The following ZNF449 variants were observed in gnomAD, a reference collection of about 807,000 sequenced individuals.
The protein encoded by ZNF449 is zinc finger and SCAN domain-containing protein 19.
ZNF449 carries 4 observed loss-of-function variants against 32.6 expected under a neutral mutation model. That is an observed-to-expected ratio of 0.12 (90% CI 0.06 to 0.28). The LOEUF (loss-of-function observed/expected upper bound fraction) is 0.28. Among genes scored for constraint, ZNF449 ranks in the 10% least tolerant of loss-of-function variants. The pLI is 1.00. For synonymous variants in ZNF449, 123 were observed against 132.2 expected, an observed-to-expected ratio of 0.93 and a Z score of 0.48; for missense variants, 275 against 383.2, an observed-to-expected ratio of 0.72 and a Z score of 2.36.
At chrX:135,360,031 A>C in intron 4 of ZNF449, 26 bp downstream of exon 4, 1 of 1,102,284 alleles carries the variant, frequency 9.1e-7, no homozygotes, top group Non-Finnish European at 1.2e-6. Flanking sequence ...TTGATATACT[A>C]GTGGGAAAAA....
chrX:135,348,586 G>T (rs1161886686), intron 2 of ZNF449: 1 of 272,620 alleles, frequency 3.7e-6, no homozygotes, highest in Non-Finnish European at 6.1e-6. Context: ...GGATACTCCA[G>T]TCTTGTCTAT....
intron 1 of ZNF449, among the ~76,000 whole-genome samples, chrX:135,346,500 C>T (rs1556448308): frequency 8.9e-6 from 1 of 111,801 alleles, no homozygotes; most frequent in Non-Finnish European, 1.9e-5. Flanking sequence ...CTTTTGAGAT[C>T]TACATATATT....
At position 135,360,596 on chromosome X, in the gene ZNF449, A is replaced by T. The variant is rs2148506990; in HGVS notation, c.1077A>T (p.Arg359Ser). The T allele has an allele frequency of 8.3e-7, 1 of 1,211,871 alleles. No individual in the cohort carries two copies. The highest frequency in any genetic ancestry group is 1.1e-6 in the Non-Finnish European group (1 of 895,474). The change falls in exon 5 of 5, where the codon AGA becomes AGT. Residue 359 changes from arginine to serine, a missense_variant. This residue lies in a region of ZNF449 where 80 missense variants were observed against 146.6 expected (regional missense o/e 0.55). Transcript: ENST00000339249. ...ACAAATGCCCTGAATGTGGGAAAAG[A>T]TTCCTTCGTAGTTCAGACCTTTATA... ...EPHKCPECGKRFLRSSDLYRH... is the reference protein window; with the variant it reads ...EPHKCPECGKSFLRSSDLYRH...
intron 1 of ZNF449, among the ~76,000 whole-genome samples, chrX:135,345,511 A>G (rs1408659157): frequency 2.7e-5 from 3 of 112,224 alleles, no homozygotes; most frequent in African/African-American, 9.7e-5. Context: ...ATGACTCCTG[A>G]CAAGCAATAA....
intron 2 of ZNF449, chrX:135,348,281 A>G (rs1378997597): frequency 1.6e-5 from 2 of 125,369 alleles, no homozygotes; most frequent in Non-Finnish European, 3.7e-5. Context: ...AAAACAAACA[A>G]TTGTACTTAT....
Position 135,349,157 on chromosome X carries a change from G to A in ZNF449, c.402G>A (p.Thr134=), listed in dbSNP as rs2084868815. Residue 134 remains threonine (T), a synonymous_variant, in exon 3 of 5, where the codon ACG becomes ACA. Transcript: ENST00000339249. ...TGGAAGAACTGGCACCAGTGGGAAC[G>A]GCACACATACCACCAACCATGCACC... is the stretch of plus-strand genomic sequence containing the variant. ...MLLEELAPVG[T]AHIPPTMHLE... 9 of 1,211,496 alleles carry A rather than the reference G, an allele frequency of 7.4e-6. No homozygotes were observed. Among genetic ancestry groups the A allele is most frequent in the Middle Eastern group, 2.3e-4 (1 of 4,352 alleles).
In ZNF449 at chrX:135,359,837, T is replaced by C; in HGVS notation, c.560-55T>C. ...CTGTCCAAGAAATCAGCCTAAATTT[T>C]GGAAAAACCTTTGATGAGCCAAACT... On this transcript the variant is annotated intron_variant, in intron 3 of 4. Coordinates refer to ENST00000339249, the MANE Select transcript of ZNF449 (RefSeq NM_152695.6). 4 of 821,240 alleles carry C rather than the reference T, an allele frequency of 4.9e-6. No individual in the cohort carries two copies. The South Asian group carries it at 8.8e-5, about 18-fold the overall frequency. 67.7% of individuals were successfully genotyped at this position (821,240 alleles called of 1,213,427 possible).
chrX:135,347,735 C>T (rs2084857474), intron 2 of ZNF449: 1 of 967,771 alleles, frequency 1.0e-6, no homozygotes, highest in East Asian at 3.4e-5. Context: ...AATCTACCCA[C>T]ATACATCAAC....
chrX:135,352,465 T>C (rs2084893177), intron 3 of ZNF449, among the ~76,000 whole-genome samples: 1 of 112,012 alleles, frequency 8.9e-6, no homozygotes, highest in Non-Finnish European at 1.9e-5. Context: ...ACGCTAGTCT[T>C]AAAAACATAA....
In ZNF449 at chrX:135,360,179, A is replaced by G; in HGVS notation, c.674-14A>G. ...GAACACAATATCATCTGCAGTTTCT[A>G]TTTCTTCTCTCAGGTTTTGAGATCG... On this transcript the variant is annotated splice_polypyrimidine_tract_variant and intron_variant, in intron 4 of 4. Transcript: ENST00000339249. 1 of 1,165,864 alleles carries G rather than the reference A, an allele frequency of 8.6e-7. No homozygotes were observed. Among genetic ancestry groups the G allele is most frequent in the Non-Finnish European group, 1.1e-6 (1 of 877,748 alleles).
intron 3 of ZNF449, among the ~76,000 whole-genome samples, chrX:135,350,489 A>G (rs1328116662): frequency 1.8e-5 from 2 of 112,160 alleles, no homozygotes; most frequent in Non-Finnish European, 3.8e-5. Context: ...GTTATAAAAT[A>G]TAAATGTCTG....
At chrX:135,360,137 A>C (rs1244661861) in intron 4 of ZNF449, 56 bp from the exon 5 acceptor site, 1 of 1,128,695 alleles carries the variant, frequency 8.9e-7, no homozygotes, top group Non-Finnish European at 1.2e-6. Flanking sequence ...ATTTTCCTTC[A>C]CTTTCTTTTC....
At chrX:135,357,020 T>C (rs1364231858) in intron 3 of ZNF449, among the ~76,000 whole-genome samples, 1 of 111,724 alleles carries the variant, frequency 9.0e-6, no homozygotes, top group Non-Finnish European at 1.9e-5. Context: ...GTCAACTGTG[T>C]ATTCTAGATA....
intron 3 of ZNF449, among the ~76,000 whole-genome samples, chrX:135,352,173 A>AT (rs2084891451): frequency 8.9e-6 from 1 of 112,299 alleles, no homozygotes; most frequent in Non-Finnish European, 1.9e-5. Flanking sequence ...AAGTCAATTG[A>AT]TTTTATATTA....
chrX:135,348,621 G>A (rs2084865237), intron 2 of ZNF449: 1 of 510,495 alleles, frequency 2.0e-6, no homozygotes, highest in Admixed American at 5.7e-5. Context: ...GGAGCTGTTA[G>A]CTTCAGGGCT....
At chrX:135,355,357 A>G (rs1569497718) in intron 3 of ZNF449, among the ~76,000 whole-genome samples, 1 of 110,393 alleles carries the variant, frequency 9.1e-6, no homozygotes, top group Non-Finnish European at 1.9e-5. Flanking sequence ...TTCTACTCTT[A>G]GTTATTTTTT....
At chrX:135,355,644 C>A (rs1364816951) in intron 3 of ZNF449, among the ~76,000 whole-genome samples, 1 of 111,645 alleles carries the variant, frequency 9.0e-6, no homozygotes, top group Admixed American at 9.5e-5. Context: ...TTGTTAATAT[C>A]ATTTAATGAT....
intron 3 of ZNF449, among the ~76,000 whole-genome samples, 190 bp downstream of exon 3, chrX:135,349,504 C>T (rs1417824977): frequency 2.7e-5 from 3 of 111,618 alleles, no homozygotes; most frequent in Admixed American, 9.5e-5. Context: ...ATTAGGAACC[C>T]TTTAAGCTAA....
chrX:135,349,364 G>A (rs371583258), intron 3 of ZNF449, 50 bp downstream of exon 3: 3 of 1,139,329 alleles, frequency 2.6e-6, no homozygotes, highest in Non-Finnish European at 3.6e-6. Flanking sequence ...TGAGAGTTCA[G>A]GAACTCTCAA....
Sources: gnomAD v4.1 joint callset for allele counts (sites outside exome capture counted in the v4.1 genomes callset) on GRCh38, gnomAD v4.1.1 for gene constraint, gnomAD v4.1.1 regional missense constraint, MANE v1.5 for transcripts, NCBI Gene and HGNC (gene_info 2026-07-23, HGNC 2026-07-21) for gene names.